The following BTBD9 variants were observed in gnomAD, a reference collection of about 807,000 sequenced individuals.
BTBD9 encodes BTB/POZ domain-containing protein 9.
A neutral mutation model predicts 64.3 loss-of-function variants in BTBD9; 49 were observed. That is an observed-to-expected ratio of 0.76 (90% CI 0.61 to 0.97). The LOEUF (loss-of-function observed/expected upper bound fraction) is 0.97, where lower values mean the gene tolerates loss of function less well. BTBD9 is among the 50% of genes least tolerant of loss of function. The pLI, the probability that BTBD9 is intolerant of heterozygous loss-of-function variation, is 0.00. For synonymous variants in BTBD9, 260 were observed against 274.7 expected, an observed-to-expected ratio of 0.95 and a Z score of 0.53; for missense variants, 598 against 762.1, an observed-to-expected ratio of 0.78 and a Z score of 2.53.
intron 7 of BTBD9, among the ~76,000 whole-genome samples, chr6:38,302,485 G>GTATGTATA (rs1384155514): frequency 2.8e-5 from 3 of 106,894 alleles, no homozygotes; most frequent in Admixed American, 1.0e-4. Flanking sequence ...TTGTGTGTAT[G>GTATGTATA]TATATATATA....
intron 6 of BTBD9, among the ~76,000 whole-genome samples, chr6:38,506,218 C>T (rs1167385701): frequency 6.6e-6 from 1 of 152,100 alleles, no homozygotes; most frequent in Non-Finnish European, 1.5e-5. Context: ...CCAATAAACC[C>T]ATCATAAGTT....
intron 7 of BTBD9, among the ~76,000 whole-genome samples, chr6:38,304,648 C>T (rs539019492): frequency 6.6e-6 from 1 of 152,138 alleles, no homozygotes; most frequent in East Asian, 1.9e-4. Flanking sequence ...CTCTACATGG[C>T]CCAGACTCCT....
At chr6:38,427,198 G>A (rs898867786) in intron 6 of BTBD9, among the ~76,000 whole-genome samples, 5 of 147,304 alleles carry the variant, frequency 3.4e-5, no homozygotes, top group Admixed American at 2.0e-4. Context: ...AAAAAAAAAA[G>A]CTGATGCCAT....
intron 4 of BTBD9, chr6:38,588,125 C>T (rs1776625830): frequency 1.3e-6 from 1 of 742,596 alleles, no homozygotes; most frequent in African/African-American, 1.7e-5. Flanking sequence ...TCTACCTCAG[C>T]AGCCTCAACA....
rs1318540291 is a variant in BTBD9, at chr6:38,498,470, A to AAC, written c.1154+79129_1154+79130insGT. On this transcript the variant is annotated intron_variant, in intron 6 of 10. Coordinates refer to ENST00000481247, the MANE Select transcript of BTBD9 (RefSeq NM_001099272.2). ...TCTATCTAGTACTAAAAAAAAAAAA[A>AAC]AAAAACAAGGCAAGAAGTAACCCAG... Among the ~76,000 whole-genome samples, 3 of 151,700 alleles carry AAC rather than the reference A, an allele frequency of 2.0e-5. No individual in the cohort carries two copies. The East Asian group carries it at 5.8e-4, about 29-fold the overall frequency.
intron 6 of BTBD9, among the ~76,000 whole-genome samples, chr6:38,366,609 A>C (rs1765192651): frequency 6.6e-6 from 1 of 152,282 alleles, no homozygotes; most frequent in Non-Finnish European, 1.5e-5. Flanking sequence ...GCCAAAAGAC[A>C]CATATTTAAA....
At chr6:38,547,248 G>T (rs1774594407) in intron 6 of BTBD9, among the ~76,000 whole-genome samples, 1 of 152,086 alleles carries the variant, frequency 6.6e-6, no homozygotes, top group Admixed American at 6.5e-5. Flanking sequence ...GAGCAATATG[G>T]CAAAACCTTG....
intron 6 of BTBD9, among the ~76,000 whole-genome samples, chr6:38,385,524 C>T (rs1447557198): frequency 6.6e-6 from 1 of 152,038 alleles, no homozygotes; most frequent in East Asian, 1.9e-4. Flanking sequence ...TCTTAACAGT[C>T]AGCTGAAGTC....
chr6:38,340,648 TTTATC>T (rs770981863), intron 7 of BTBD9, among the ~76,000 whole-genome samples: 15 of 152,186 alleles, frequency 9.9e-5, no homozygotes, highest in Admixed American at 2.6e-4. Context: ...GAATGTAACA[TTTATC>T]CTTCTTTTCC....
intron 9 of BTBD9, among the ~76,000 whole-genome samples, chr6:38,222,964 T>C (rs540195705): frequency 6.6e-6 from 1 of 152,326 alleles, no homozygotes; most frequent in Non-Finnish European, 1.5e-5. Flanking sequence ...TGGAGTGCAA[T>C]GGTGCAATCT....
intron 9 of BTBD9, among the ~76,000 whole-genome samples, chr6:38,236,224 G>T (rs1350591156): frequency 6.6e-6 from 1 of 152,116 alleles, no homozygotes; most frequent in East Asian, 1.9e-4. Flanking sequence ...AAATACAATG[G>T]AGACCAGGAA....
At chr6:38,489,217 C>A (rs540290620) in intron 6 of BTBD9, among the ~76,000 whole-genome samples, 2 of 152,170 alleles carry the variant, frequency 1.3e-5, no homozygotes, top group African/African-American at 4.8e-5. Context: ...TTTAAAAATG[C>A]AGATACACAT....
chr6:38,424,835 TTTA>T (rs1385612133), intron 6 of BTBD9, among the ~76,000 whole-genome samples: 2 of 150,932 alleles, frequency 1.3e-5, no homozygotes, highest in African/African-American at 2.4e-5. Flanking sequence ...TTATTTTATT[TTTA>T]TTATTATTAT....
chr6:38,571,995 C>CAA (rs913835529), intron 6 of BTBD9, among the ~76,000 whole-genome samples: 2 of 151,528 alleles, frequency 1.3e-5, no homozygotes, highest in Admixed American at 1.3e-4. Flanking sequence ...CACACACACA[C>CAA]AAAACCAAAA....
At chr6:38,595,273 T>C (rs1021874966) in intron 2 of BTBD9, among the ~76,000 whole-genome samples, 1 of 152,230 alleles carries the variant, frequency 6.6e-6, no homozygotes, top group African/African-American at 2.4e-5. Context: ...TGGTATTAGA[T>C]GGCTGGGAGA....
chr6:38,409,725 A>G lies in BTBD9; in HGVS notation c.1155-64632T>C, dbSNP rs576300748. 8.6e-5 allele frequency among the ~76,000 whole-genome samples: 13 copies of G among 151,996 alleles called. No individual in the cohort carries two copies. In the East Asian group the frequency reaches 2.3e-3, roughly 27 times the overall value. On this transcript the variant is annotated intron_variant, in intron 6 of 10. Transcript: ENST00000481247. Reference sequence around the variant, plus strand: ...TGTAGTTCCAGCTACTTGGGAGGCTAAGGCAGGAGAATCTCTTGAACCCAG... The same window carrying G: ...TGTAGTTCCAGCTACTTGGGAGGCTGAGGCAGGAGAATCTCTTGAACCCAG...
At chr6:38,370,238 A>C (rs2127604202) in intron 6 of BTBD9, among the ~76,000 whole-genome samples, 1 of 152,336 alleles carries the variant, frequency 6.6e-6, no homozygotes, top group Middle Eastern at 3.4e-3. Context: ...TTACTCACTC[A>C]GCCTGCCTCT....
chr6:38,596,572 G>A (rs936961655), intron 2 of BTBD9, among the ~76,000 whole-genome samples: 3 of 151,792 alleles, frequency 2.0e-5, no homozygotes, highest in East Asian at 1.9e-4. Flanking sequence ...AGGCTGAGGC[G>A]GGCGGATCAC....
At chr6:38,378,245 CTT>C (rs1222285736) in intron 6 of BTBD9, among the ~76,000 whole-genome samples, 23 of 136,844 alleles carry the variant, frequency 1.7e-4, no homozygotes, top group Admixed American at 2.9e-4. Context: ...CAAAACTTTT[CTT>C]TTTTTTTTTT....
Sources: gnomAD v4.1 joint callset for allele counts (sites outside exome capture counted in the v4.1 genomes callset) on GRCh38, gnomAD v4.1.1 for gene constraint, MANE v1.5 for transcripts, NCBI Gene and HGNC (gene_info 2026-07-23, HGNC 2026-07-21) for gene names.